Variants in BRAF observed in about 807,000 individuals in gnomAD.
BRAF encodes serine/threonine-protein kinase B-raf.
A neutral mutation model predicts 104.6 loss-of-function variants in BRAF; 16 were observed. The observed-to-expected ratio is 0.15, with a 90% CI of 0.10 to 0.23. BRAF has a LOEUF of 0.23. Ranked by LOEUF, BRAF falls within the 10% of genes least tolerant of loss-of-function variation. BRAF has a pLI of 1.00. For synonymous variants in BRAF, 310 were observed against 341.6 expected, an observed-to-expected ratio of 0.91 and a Z score of 1.02; for missense variants, 541 against 937.3, an observed-to-expected ratio of 0.58 and a Z score of 5.52.
At chr7:140,847,078 C>A (rs1429577111) in intron 2 of BRAF, among the ~76,000 whole-genome samples, 7 of 151,920 alleles carry the variant, frequency 4.6e-5, no homozygotes, top group Non-Finnish European at 8.8e-5. Flanking sequence ...TCACTTGAAC[C>A]CAGGAGAGGA....
At chr7:140,764,640 C>T (rs923847186) in intron 14 of BRAF, among the ~76,000 whole-genome samples, 1 of 152,166 alleles carries the variant, frequency 6.6e-6, no homozygotes, top group African/African-American at 2.4e-5. Flanking sequence ...CACAAGCATT[C>T]TTATACACCA....
intron 19 of BRAF, chr7:140,732,012 A>C (rs908504583): frequency 4.7e-5 from 7 of 149,678 alleles, no homozygotes; most frequent in African/African-American, 1.5e-4. Flanking sequence ...TCTACTAAAA[A>C]TACAAAAAAT....
chr7:140,725,116 T>TG lies in BRAF; in HGVS notation c.*1377dup. ...TGCCCAACCTTTTGAAGACCAGGCT[T>TG]GGGAAAAAAGGAAGAAGGAGAATGA... On this transcript the variant is annotated 3_prime_UTR_variant, in exon 20 of 20. Coordinates refer to ENST00000644969, the MANE Select transcript of BRAF (RefSeq NM_001374258.1). The TG allele has an allele frequency of 9.6e-7, 1 of 1,042,342 alleles. No individual in the cohort carries two copies. Among genetic ancestry groups the TG allele is most frequent in the Non-Finnish European group, 1.2e-6 (1 of 864,832 alleles). The allele number at this position is 1,042,342 out of a possible 1,614,324, so 64.6% of individuals were successfully genotyped here. A position where few individuals can be genotyped will look rare whatever the true frequency, so the allele number is the denominator to read the frequency against.
At chr7:140,761,494 A>C (rs970577941) in intron 14 of BRAF, among the ~76,000 whole-genome samples, 2 of 152,086 alleles carry the variant, frequency 1.3e-5, no homozygotes, top group African/African-American at 2.4e-5. Context: ...CGAGCAAAAT[A>C]ACCAGCTAAT....
intron 1 of BRAF, among the ~76,000 whole-genome samples, chr7:140,904,851 C>T (rs1816118739): frequency 6.6e-6 from 1 of 152,198 alleles, no homozygotes; most frequent in African/African-American, 2.4e-5. Context: ...TCGTGATCCG[C>T]CTGCCTCGGC....
chr7:140,804,370 A>G (rs1214902625), intron 5 of BRAF, among the ~76,000 whole-genome samples: 3 of 149,474 alleles, frequency 2.0e-5, no homozygotes, highest in Non-Finnish European at 2.9e-5. Context: ...ACACCTGGCT[A>G]ATTTTTGTAT....
intron 9 of BRAF, 39 bp downstream of exon 9, chr7:140,787,509 T>C: frequency 1.3e-6 from 2 of 1,580,744 alleles, no homozygotes; most frequent in East Asian, 2.2e-5. Context: ...CAATTGCAGT[T>C]TCCTTGAGTT....
chr7:140,860,889 T>C (rs1810346857), intron 1 of BRAF, among the ~76,000 whole-genome samples: 1 of 152,134 alleles, frequency 6.6e-6, no homozygotes, highest in Non-Finnish European at 1.5e-5. Flanking sequence ...GCAGCAATGT[T>C]TATAATAGCA....
At position 140,720,579 on chromosome 7, in the gene BRAF, TA is replaced by T; in HGVS notation, c.*5914del. The T allele has an allele frequency of 9.4e-7, 1 of 1,065,648 alleles. No homozygotes were observed. The highest frequency in any genetic ancestry group is 1.6e-5 in the African/African-American group (1 of 61,214). 66.0% of individuals were successfully genotyped at this position (1,065,648 alleles called of 1,614,324 possible). A position where few individuals can be genotyped will look rare whatever the true frequency, so the allele number is the denominator to read the frequency against. On this transcript the variant is annotated 3_prime_UTR_variant, in exon 20 of 20. Transcript: ENST00000644969. ...CACAGCTTAGAATAAAAAGCATACT[TA>T]TTGCACTCTTACATTTGATTTCAGG...
intron 19 of BRAF, chr7:140,731,343 T>A (rs1252394875): frequency 6.6e-6 from 1 of 152,330 alleles, no homozygotes; most frequent in Middle Eastern, 3.4e-3. Context: ...ATGAGAAACA[T>A]TCTGGCATAG....
chr7:140,764,519 C>T (rs1208607930), intron 14 of BRAF, among the ~76,000 whole-genome samples: 1 of 151,478 alleles, frequency 6.6e-6, no homozygotes, highest in Non-Finnish European at 1.5e-5. Context: ...TCCCTGTTTG[C>T]AGACGACATG....
At chr7:140,874,857 A>G (rs1812036653) in intron 1 of BRAF, among the ~76,000 whole-genome samples, 1 of 152,180 alleles carries the variant, frequency 6.6e-6, no homozygotes, top group South Asian at 2.1e-4. Context: ...GCTTAACACC[A>G]TCCCCCTTAG....
At chr7:140,775,928 G>C (rs1800299417) in intron 14 of BRAF, among the ~76,000 whole-genome samples, 1 of 152,200 alleles carries the variant, frequency 6.6e-6, no homozygotes, top group African/African-American at 2.4e-5. Context: ...TACTCAGTTA[G>C]AGTTGTAGGT....
At chr7:140,734,918 A>T in intron 18 of BRAF, 148 bp from the exon 18 acceptor site, 1 of 861,266 alleles carries the variant, frequency 1.2e-6, no homozygotes. Context: ...AAGCACCTGA[A>T]ATCTTACATT....
chr7:140,740,225 C>T (rs1188834150), intron 17 of BRAF: 1 of 372,048 alleles, frequency 2.7e-6, no homozygotes, highest in Admixed American at 4.1e-5. Flanking sequence ...TTTTCCCACT[C>T]ACAGGGTAAC....
At chr7:140,739,219 G>A (rs1796693548) in intron 18 of BRAF, among the ~76,000 whole-genome samples, 1 of 151,966 alleles carries the variant, frequency 6.6e-6, no homozygotes, top group Non-Finnish European at 1.5e-5. Context: ...GATATCATTT[G>A]CCTTTTTTAC....
At chr7:140,915,598 CT>C (rs1477414550) in intron 1 of BRAF, among the ~76,000 whole-genome samples, 7 of 151,806 alleles carry the variant, frequency 4.6e-5, no homozygotes, top group Non-Finnish European at 1.0e-4. Context: ...CCATGCCCGG[CT>C]AATTTTTTGC....
At chr7:140,806,903 C>T (rs1803710630) in intron 5 of BRAF, among the ~76,000 whole-genome samples, 1 of 151,992 alleles carries the variant, frequency 6.6e-6, no homozygotes, top group South Asian at 2.1e-4. Flanking sequence ...CTTTAAGAGC[C>T]CAGCTGGATT....
intron 1 of BRAF, among the ~76,000 whole-genome samples, chr7:140,876,212 G>A (rs1812246143): frequency 6.6e-6 from 1 of 152,128 alleles, no homozygotes; most frequent in Non-Finnish European, 1.5e-5. Flanking sequence ...TTCTTTAAGT[G>A]GACCATAATC....
Sources: gnomAD v4.1 joint callset for allele counts (sites outside exome capture counted in the v4.1 genomes callset) on GRCh38, gnomAD v4.1.1 for gene constraint, MANE v1.5 for transcripts, NCBI Gene and HGNC (gene_info 2026-07-23, HGNC 2026-07-21) for gene names.